FAM89A: variants seen among roughly 807,000 people sequenced by gnomAD.
FAM89A encodes the protein family with sequence similarity 89 member A.
FAM89A carries 10 observed loss-of-function variants against 7.1 expected under a neutral mutation model. That is an observed-to-expected ratio of 1.40 (90% CI 0.86 to 2.38). FAM89A has a LOEUF of 2.38. FAM89A is among the 30% of genes most tolerant of loss of function. FAM89A has a pLI of 0.00. For missense variants in FAM89A, 276 were observed against 262.8 expected (o/e 1.05, Z -0.35); for synonymous variants, 157 against 129.3 (o/e 1.21, Z -1.45).
intron 1 of FAM89A, among the ~76,000 whole-genome samples, chr1:231,022,646 A>T (rs1679901523): frequency 6.6e-6 from 1 of 152,174 alleles, no homozygotes; most frequent in Admixed American, 6.5e-5. Context: ...TGAGGCCCTG[A>T]AAAGACCAAT....
At chr1:231,029,326 C>T (rs1680029562) in intron 1 of FAM89A, among the ~76,000 whole-genome samples, 3 of 151,824 alleles carry the variant, frequency 2.0e-5, no homozygotes, top group South Asian at 2.1e-4. Flanking sequence ...CTCATTTCTA[C>T]AAAAATATTT....
At chr1:231,026,638 C>T (rs1215869061) in intron 1 of FAM89A, 2 of 152,238 alleles carry the variant, frequency 1.3e-5, no homozygotes, top group African/African-American at 4.8e-5. Context: ...GTTCTTCTCT[C>T]CAAGCTAAAT....
intron 1 of FAM89A, among the ~76,000 whole-genome samples, chr1:231,030,174 T>G (rs1258670370): frequency 6.6e-6 from 1 of 152,206 alleles, no homozygotes; most frequent in African/African-American, 2.4e-5. Context: ...GGAAACATAT[T>G]CGTGTCATCT....
At chr1:231,028,994 C>A (rs1680023054) in intron 1 of FAM89A, among the ~76,000 whole-genome samples, 1 of 152,194 alleles carries the variant, frequency 6.6e-6, no homozygotes, top group African/African-American at 2.4e-5. Context: ...TGGCTCCCAG[C>A]TGGGTGTTAA....
chr1:231,023,999 A>G (rs12037213), intron 1 of FAM89A, among the ~76,000 whole-genome samples: 85,855 of 152,098 alleles, frequency 0.56, 24,845 homozygotes, highest in Admixed American at 0.63. Context: ...TTAAATTGAT[A>G]AAAAGATTTA....
At chr1:231,033,472 C>A (rs1036435530) in intron 1 of FAM89A, among the ~76,000 whole-genome samples, 1 of 152,182 alleles carries the variant, frequency 6.6e-6, no homozygotes, top group African/African-American at 2.4e-5. Context: ...CCTTCTTGAA[C>A]CCTCCCTAAA....
intron 1 of FAM89A, among the ~76,000 whole-genome samples, chr1:231,028,268 C>T (rs1680007347): frequency 1.3e-5 from 2 of 152,138 alleles, no homozygotes; most frequent in South Asian, 4.1e-4. Flanking sequence ...CCGCGTGCCT[C>T]CCATCACATC....
chr1:231,024,477 G>C (rs1033442649), intron 1 of FAM89A, among the ~76,000 whole-genome samples: 2 of 149,792 alleles, frequency 1.3e-5, no homozygotes, highest in Non-Finnish European at 3.0e-5. Context: ...ACTATGGCCT[G>C]AATAGACCAT....
rs1680230017 is a variant in FAM89A at position 231,039,929 on chromosome 1, T to C, written c.283A>G (p.Lys95Glu). The C allele has an allele frequency of 1.5e-6, 2 of 1,337,152 alleles. No homozygotes were observed. The highest frequency in any genetic ancestry group is 1.9e-5 in the South Asian group (1 of 51,952). 82.8% of individuals were successfully genotyped at this position (1,337,152 alleles called of 1,614,324 possible). A position where few individuals can be genotyped will look rare whatever the true frequency, so the allele number is the denominator to read the frequency against. The change falls in exon 1 of 2, where the codon AAA becomes GAA. Residue 95 changes from lysine (K) to glutamate (E), a missense_variant. Physicochemically the swap from Lys to Glu is moderately conservative, Grantham distance 56 (BLOSUM62 1). Coordinates refer to ENST00000366654, the MANE Select transcript of FAM89A (RefSeq NM_198552.3). ...CGCGGAGCCCCACTCACCATCTCTT[T>C]GCGGAGCAGCGCCAGAGCGGCGTCC... ...NLDAALALLR[K>E]EMVGLRQLDM...
At chr1:231,020,905 G>A (rs773228978) in intron 1 of FAM89A, among the ~76,000 whole-genome samples, 14 of 152,118 alleles carry the variant, frequency 9.2e-5, no homozygotes, top group East Asian at 3.9e-4. Context: ...AAAAGAGCAC[G>A]GTCACAGTCA....
rs373820959 is a variant in FAM89A at position 231,020,259 on chromosome 1, G to A, written c.292-133C>T. Reference sequence around the variant, plus strand: ...CGGCGCATGATTCAGAGCATCACTCGGATGCTTTGGATTTCCAGTTTTGAG... The same window carrying A: ...CGGCGCATGATTCAGAGCATCACTCAGATGCTTTGGATTTCCAGTTTTGAG... On this transcript the variant is annotated intron_variant, in intron 1 of 1. Transcript: ENST00000366654. 1.7e-4 allele frequency: 158 copies of A among 944,422 alleles called. No homozygotes were observed. In the East Asian group the frequency reaches 2.2e-3, roughly 13 times the overall value. The allele number at this position is 944,422 out of a possible 1,614,324, so 58.5% of individuals were successfully genotyped here. A position where few individuals can be genotyped will look rare whatever the true frequency, so the allele number is the denominator to read the frequency against.
intron 1 of FAM89A, among the ~76,000 whole-genome samples, chr1:231,032,510 A>C (rs1363385920): frequency 2.6e-5 from 4 of 151,618 alleles, no homozygotes; most frequent in Non-Finnish European, 5.9e-5. Flanking sequence ...TATTGTCTTA[A>C]TGTATACATC....
chr1:231,037,553 G>A (rs181510791), intron 1 of FAM89A, among the ~76,000 whole-genome samples: 165 of 152,178 alleles, frequency 1.1e-3, no homozygotes, highest in Non-Finnish European at 1.4e-3. Context: ...TCTTCCTGTT[G>A]AGCCTCCAAA....
chr1:231,033,396 C>T (rs1680106601), intron 1 of FAM89A, among the ~76,000 whole-genome samples: 1 of 152,150 alleles, frequency 6.6e-6, no homozygotes, highest in African/African-American at 2.4e-5. Context: ...CAGGCATTCC[C>T]AGAGCGAAAC....
chr1:231,028,388 G>C (rs886132823), intron 1 of FAM89A: 3 of 152,180 alleles, frequency 2.0e-5, no homozygotes, highest in East Asian at 1.9e-4. Flanking sequence ...TGCAGGAAGG[G>C]GAGAGAGCAA....
At chr1:231,027,356 C>T (rs890874201) in intron 1 of FAM89A, among the ~76,000 whole-genome samples, 6 of 152,168 alleles carry the variant, frequency 3.9e-5, no homozygotes, top group African/African-American at 1.4e-4. Context: ...GAATCCTGAC[C>T]GCCTAGGAAT....
intron 1 of FAM89A, among the ~76,000 whole-genome samples, chr1:231,020,469 G>A (rs771351787): frequency 9.2e-5 from 14 of 152,150 alleles, no homozygotes; most frequent in Admixed American, 2.0e-4. Flanking sequence ...GCCAAGAAAC[G>A]AGTGTGTCAC....
chr1:231,035,538 T>C, intron 1 of FAM89A, among the ~76,000 whole-genome samples: 1 of 152,184 alleles, frequency 6.6e-6, no homozygotes, highest in East Asian at 1.9e-4. Flanking sequence ...GTGTGACTTC[T>C]GGTTACCTGT....
intron 1 of FAM89A, among the ~76,000 whole-genome samples, chr1:231,037,387 T>TAA (rs1680174005): frequency 6.6e-6 from 1 of 152,196 alleles, no homozygotes; most frequent in South Asian, 2.1e-4. Context: ...TGAAAAAGCT[T>TAA]AAGTTATCTT....
Sources: allele counts gnomAD v4.1 joint callset (sites outside exome capture counted in the v4.1 genomes callset), GRCh38; gene constraint gnomAD v4.1.1; transcripts MANE v1.5; gene names NCBI Gene and HGNC (gene_info 2026-07-23, HGNC 2026-07-21).